The following ZNF212 variants were observed in gnomAD, a reference collection of about 807,000 sequenced individuals.
ZNF212 encodes the protein Zinc finger protein C2H2-150.
A neutral mutation model predicts 47.3 loss-of-function variants in ZNF212; 32 were observed. That is an observed-to-expected ratio of 0.68 (90% CI 0.51 to 0.91). The LOEUF (loss-of-function observed/expected upper bound fraction) is 0.91, where lower values mean the gene tolerates loss of function less well. Among genes scored for constraint, ZNF212 ranks in the 40% least tolerant of loss-of-function variants. ZNF212 has a pLI of 0.00. For synonymous variants in ZNF212, 242 were observed against 253.8 expected (o/e 0.95, Z 0.44); for missense variants, 555 against 622.8 (o/e 0.89, Z 1.16).
intron 3 of ZNF212, 114 bp from the exon 4 acceptor site, chr7:149,252,592 C>T (rs1378453085): frequency 5.5e-6 from 5 of 911,974 alleles, no homozygotes; most frequent in African/African-American, 4.9e-5. Context: ...AGAACAGTAG[C>T]CTTTGAATCT....
At chr7:149,248,254 GTGTC>G (rs1369768539) in intron 1 of ZNF212, among the ~76,000 whole-genome samples, 3 of 152,278 alleles carry the variant, frequency 2.0e-5, no homozygotes, top group Admixed American at 2.0e-4. Context: ...GTGTGTGTGT[GTGTC>G]TGCGTCTAAA....
intron 1 of ZNF212, among the ~76,000 whole-genome samples, chr7:149,243,324 C>T (rs776235489): frequency 1.8e-4 from 27 of 148,802 alleles, no homozygotes; most frequent in Non-Finnish European, 3.6e-4. Context: ...ACCCAGGAGG[C>T]GGAGGTTGCT....
At chr7:149,247,382 A>T (rs768417015) in intron 1 of ZNF212, among the ~76,000 whole-genome samples, 5 of 152,136 alleles carry the variant, frequency 3.3e-5, no homozygotes, top group Non-Finnish European at 7.3e-5. Context: ...TTGGGATTAT[A>T]GGTATGAGCC....
chr7:149,247,054 C>T lies in ZNF212; in HGVS notation c.25-3105C>T, dbSNP rs539789983. Among the ~76,000 whole-genome samples, 6 of 151,398 alleles carry T rather than the reference C, an allele frequency of 4.0e-5. No homozygotes were observed. The East Asian group carries it at 5.8e-4, about 15-fold the overall frequency. On this transcript the variant is annotated intron_variant, in intron 1 of 4. Transcript: ENST00000335870. ...CTCGAACTCCCAACCTCAGGTGATC[C>T]GCCCGCCTCGGCCTCCCAAAGTGCT...
chr7:149,239,759 G>T lies in ZNF212; in HGVS notation c.-20G>T, dbSNP rs781636433. ...GGGGGCTCCGAGGCGGGGTCTGGGT[G>T]TTGAGGGGCGACTGGAGCCATGGCG... On this transcript the variant is annotated 5_prime_UTR_variant, in exon 1 of 5. Transcript: ENST00000335870. 3.4e-5 allele frequency: 43 copies of T among 1,277,096 alleles called. No individual in the cohort carries two copies. Among genetic ancestry groups the T allele is most frequent in the Middle Eastern group, 2.8e-4 (1 of 3,620 alleles). The allele number at this position is 1,277,096 out of a possible 1,614,324, so 79.1% of individuals were successfully genotyped here.
At position 149,250,534 on chromosome 7, in the gene ZNF212, G is replaced by T; in HGVS notation, c.400G>T (p.Gly134Trp). Reference protein sequence around the residue: ...WILRLPPGSKGEAPKVSRSLE... With the variant: ...WILRLPPGSKWEAPKVSRSLE... ...CCTGCGGCTGCCCCCGGGCAGCAAG[G>T]GGGAGGCCCCCAAGGTAGTCTCATT... Residue 134 changes from glycine to tryptophan, a missense_variant, in exon 2 of 5, where the codon GGG becomes TGG. Physicochemically the swap from Gly to Trp is radical, Grantham distance 184. Coordinates refer to ENST00000335870, the MANE Select transcript of ZNF212 (RefSeq NM_012256.4). 2.5e-6 allele frequency: 4 copies of T among 1,612,644 alleles called. No homozygotes were observed. The highest frequency in any genetic ancestry group is 3.4e-6 in the Non-Finnish European group (4 of 1,179,226).
chr7:149,245,808 A>T (rs1312585568), intron 1 of ZNF212, among the ~76,000 whole-genome samples: 1 of 152,156 alleles, frequency 6.6e-6, no homozygotes, highest in Admixed American at 6.5e-5. Context: ...GTGCCCAGCC[A>T]TAGATTCCCC....
chr7:149,240,386 C>A (rs1008226328), intron 1 of ZNF212, among the ~76,000 whole-genome samples: 8 of 149,494 alleles, frequency 5.4e-5, no homozygotes. Flanking sequence ...TCCTTCACCC[C>A]CCCCCCAACA....
rs1300305367 is a variant in ZNF212, at chr7:149,248,315, A to G, written c.25-1844A>G. On this transcript the variant is annotated intron_variant, in intron 1 of 4. Coordinates refer to ENST00000335870, the MANE Select transcript of ZNF212 (RefSeq NM_012256.4). ...CAGTCATTGGATTAAGGCCCATCCT[A>G]ATGACCTCATTTTAACCTGATTACC... 2.6e-5 allele frequency among the ~76,000 whole-genome samples: 4 copies of G among 152,102 alleles called. No homozygotes were observed. In the East Asian group the frequency reaches 5.8e-4, roughly 22 times the overall value.
Position 149,253,772 on chromosome 7 carries a change from G to A in ZNF212, c.845G>A (p.Ser282Asn). The A allele has an allele frequency of 1.2e-6, 2 of 1,614,118 alleles. No homozygotes were observed. The highest frequency in any genetic ancestry group is 1.1e-5 in the South Asian group (1 of 91,082). ...EPVGSRVPSS[S>N]RTVGCPKQKS... ...GTTGGTAGTAGAGTTCCTAGCAGCA[G>A]CAGAACTGTGGGCTGCCCGAAGCAG... Residue 282 changes from serine (S) to asparagine (N), a missense_variant, in exon 5 of 5, where the codon AGC (serine) becomes AAC (asparagine). Transcript: ENST00000335870.
In ZNF212 at chr7:149,254,410, C is replaced by T. The variant is rs1280623364; in HGVS notation, c.1483C>T (p.Leu495Phe). ...GGAGCCCGGAAGGCCCAATGGCCTGCTTTAAGGGTGCAGCCCCTCGCCCGT... is the reference window on the plus strand; with the variant it reads ...GGAGCCCGGAAGGCCCAATGGCCTGTTTTAAGGGTGCAGCCCCTCGCCCGT... Reference protein sequence around the residue: ...ALEPGRPNGLL With the variant: ...ALEPGRPNGLF Residue 495 changes from leucine (L) to phenylalanine (F), a missense_variant, in exon 5 of 5, where the codon CTT (leucine) becomes TTT (phenylalanine). Transcript: ENST00000335870. This position sits in a 1 kb window ranked among gnomAD's most constrained non-coding sequence, Gnocchi z 4.5. 1.9e-6 allele frequency: 3 copies of T among 1,597,568 alleles called. No individual in the cohort carries two copies. In the Admixed American group the frequency reaches 5.0e-5, roughly 27 times the overall value.
chr7:149,241,860 A>G (rs1796593512), intron 1 of ZNF212, among the ~76,000 whole-genome samples: 1 of 152,200 alleles, frequency 6.6e-6, no homozygotes, highest in Non-Finnish European at 1.5e-5. Context: ...GAGAGTTCAA[A>G]GGGTAACATT....
chr7:149,251,034 C>T (rs1158031876), intron 3 of ZNF212, among the ~76,000 whole-genome samples: 1 of 150,224 alleles, frequency 6.7e-6, no homozygotes, highest in Non-Finnish European at 1.5e-5. Flanking sequence ...GGAAAGCTCG[C>T]AGCATTGTGC....
intron 1 of ZNF212, among the ~76,000 whole-genome samples, chr7:149,244,299 ATTATTT>A (rs771750923): frequency 1.3e-5 from 2 of 151,894 alleles, no homozygotes; most frequent in East Asian, 1.9e-4. Flanking sequence ...TACAGAAATG[ATTATTT>A]TTATTTTTAT....
chr7:149,250,184 C>T lies in ZNF212; in HGVS notation c.50C>T (p.Pro17Leu), dbSNP rs1796731745. The change falls in exon 2 of 5, where the codon CCT becomes CTT. Residue 17 changes from proline (P) to leucine (L), a missense_variant. Coordinates refer to ENST00000335870, the MANE Select transcript of ZNF212 (RefSeq NM_012256.4). ...CACAGGAGAAAACGACGCTCCACAC[C>T]TTTAACTTCTTCCACACTTCCTTCA... ...ARHRRKRRST[P>L]LTSSTLPSQA... is the part of the protein sequence containing the mutation. 1 of 1,549,680 alleles carries T rather than the reference C, an allele frequency of 6.5e-7. No individual in the cohort carries two copies. Among genetic ancestry groups the T allele is most frequent in the African/African-American group, 1.4e-5 (1 of 72,900 alleles).
intron 1 of ZNF212, among the ~76,000 whole-genome samples, chr7:149,241,454 T>C (rs1037312713): frequency 5.7e-4 from 75 of 130,824 alleles, no homozygotes; most frequent in African/African-American, 1.8e-3. Context: ...AAAAAAAAAG[T>C]CCACCACAAT....
chr7:149,249,974 T>C (rs1796729454), intron 1 of ZNF212, among the ~76,000 whole-genome samples, 185 bp from the exon 2 acceptor site: 1 of 152,190 alleles, frequency 6.6e-6, no homozygotes, highest in South Asian at 2.1e-4. Flanking sequence ...ATATTTTCTT[T>C]CTATTCTTCA....
chr7:149,250,523 C>G lies in ZNF212; in HGVS notation c.389C>G (p.Pro130Arg). ...NRNFWILRLP[P>R]GSKGEAPKVS... is the part of the protein sequence containing the mutation. ...AACTTCTGGATCCTGCGGCTGCCCCCGGGCAGCAAGGGGGAGGCCCCCAAG... is the reference window on the plus strand; with the variant it reads ...AACTTCTGGATCCTGCGGCTGCCCCGGGGCAGCAAGGGGGAGGCCCCCAAG... Residue 130 changes from proline to arginine, a missense_variant, in exon 2 of 5, where the codon CCG (proline) becomes CGG (arginine). Coordinates refer to ENST00000335870, the MANE Select transcript of ZNF212 (RefSeq NM_012256.4). 1.2e-6 allele frequency: 2 copies of G among 1,613,140 alleles called. No homozygotes were observed. The highest frequency in any genetic ancestry group is 2.2e-5 in the South Asian group (2 of 91,032).
chr7:149,249,660 C>T (rs1796725200), intron 1 of ZNF212, among the ~76,000 whole-genome samples: 1 of 152,174 alleles, frequency 6.6e-6, no homozygotes, highest in Admixed American at 6.5e-5. Flanking sequence ...CAGGGTCTCA[C>T]TCTGTTACTC....
Sources: allele counts gnomAD v4.1 joint callset (sites outside exome capture counted in the v4.1 genomes callset), GRCh38; gene constraint gnomAD v4.1.1; non-coding constraint Gnocchi (gnomAD v3.1); transcripts MANE v1.5; gene names NCBI Gene and HGNC (gene_info 2026-07-23, HGNC 2026-07-21).